Variants in MAPRE2 observed in about 807,000 individuals in gnomAD.
The protein encoded by MAPRE2 is microtubule-associated protein RP/EB family member 2.
In MAPRE2, 13 loss-of-function variants were observed where a neutral mutation model predicts 43.2. The ratio of observed to expected loss-of-function variants is 0.30; its 90% CI spans 0.20 to 0.48. The LOEUF (loss-of-function observed/expected upper bound fraction) is 0.48. MAPRE2 is among the 20% of genes least tolerant of loss of function. The pLI, the probability that MAPRE2 is intolerant of heterozygous loss-of-function variation, is 0.99. For synonymous variants in MAPRE2, 135 were observed against 148.8 expected (o/e 0.91, Z 0.68); for missense variants, 161 against 400.2 (o/e 0.40, Z 5.10).
In MAPRE2 at chr18:35,140,476, T is replaced by C. The variant is rs1434053614; in HGVS notation, c.*107T>C. The C allele has an allele frequency of 9.2e-7, 1 of 1,084,262 alleles. No individual in the cohort carries two copies. The highest frequency in any genetic ancestry group is 1.6e-5 in the African/African-American group (1 of 63,872). The allele number at this position is 1,084,262 out of a possible 1,614,324, so 67.2% of individuals were successfully genotyped here. ...CAACAGAAACCAGTTGTTCCCAATCTGCCGTTACCATCAACGCACTGTTGC... is the reference window on the plus strand; with the variant it reads ...CAACAGAAACCAGTTGTTCCCAATCCGCCGTTACCATCAACGCACTGTTGC... On this transcript the variant is annotated 3_prime_UTR_variant, in exon 7 of 7. Coordinates refer to ENST00000300249, the MANE Select transcript of MAPRE2 (RefSeq NM_014268.4).
upstream of MAPRE2, among the ~76,000 whole-genome samples, chr18:35,037,576 G>A (rs1300102020): frequency 6.6e-6 from 1 of 152,156 alleles, no homozygotes; most frequent in Non-Finnish European, 1.5e-5. Context: ...TTTTAGATAT[G>A]CCAGCACATG....
chr18:35,059,216 G>A (rs768742728), intron 1 of MAPRE2, among the ~76,000 whole-genome samples: 20 of 152,126 alleles, frequency 1.3e-4, no homozygotes, highest in Non-Finnish European at 2.4e-4. Flanking sequence ...GATAGTTCTG[G>A]AACTAGAAGC....
intron 4 of MAPRE2, among the ~76,000 whole-genome samples, chr18:35,114,177 T>C (rs1216053373): frequency 2.6e-5 from 4 of 152,200 alleles, no homozygotes; most frequent in Non-Finnish European, 4.4e-5. Flanking sequence ...GTCTCTCATA[T>C]GTCATGGATG....
chr18:34,985,814 C>G (rs1229416579), intron 1 of MAPRE2, among the ~76,000 whole-genome samples: 3 of 139,398 alleles, frequency 2.2e-5, no homozygotes, highest in African/African-American at 7.8e-5. Context: ...AATAAGCTGT[C>G]TCTTTTAACC....
chr18:34,978,108 G>A (rs927808740), intron 1 of MAPRE2: 8 of 259,564 alleles, frequency 3.1e-5, no homozygotes, highest in Non-Finnish European at 7.4e-6. Context: ...GTAGCGCTGG[G>A]AGTAATTAAT....
intron 2 of MAPRE2, 136 bp downstream of exon 2, chr18:35,070,458 A>G: frequency 1.5e-6 from 1 of 683,348 alleles, no homozygotes; most frequent in Non-Finnish European, 2.2e-6. Context: ...AAAGGGGGAA[A>G]AACTCAGATA....
chr18:35,082,098 G>A lies in MAPRE2; in HGVS notation c.250+11776G>A, dbSNP rs1235560249. The A allele has an allele frequency of 8.9e-5, 7 of 78,354 alleles. 3 individuals are homozygous for A. Among genetic ancestry groups the A allele is most frequent in the Admixed American group, 3.6e-4 (3 of 8,380 alleles). The allele number at this position is 78,354 out of a possible 1,614,324, so 4.9% of individuals were successfully genotyped here. A position where few individuals can be genotyped will look rare whatever the true frequency, so the allele number is the denominator to read the frequency against. ...GAGGTCAGGAGATCGAGACCATCCCGGCTAAAACGGTGAAACCCCGTCTCT... is the reference window on the plus strand; with the variant it reads ...GAGGTCAGGAGATCGAGACCATCCCAGCTAAAACGGTGAAACCCCGTCTCT... On this transcript the variant is annotated intron_variant, in intron 2 of 6. Coordinates refer to ENST00000300249, the MANE Select transcript of MAPRE2 (RefSeq NM_014268.4).
chr18:35,030,316 C>A (rs1603391665), intron 2 of MAPRE2, among the ~76,000 whole-genome samples: 1 of 152,322 alleles, frequency 6.6e-6, no homozygotes, highest in Admixed American at 6.5e-5. Context: ...TTTATGGCAG[C>A]AGTCTCTTGC....
At chr18:35,063,297 T>C (rs376594276) in intron 1 of MAPRE2, among the ~76,000 whole-genome samples, 2,524 of 151,852 alleles carry the variant, frequency 0.017, 25 homozygotes, top group South Asian at 0.04. Context: ...TTAGTAGAGA[T>C]GGGGTTTCAC....
chr18:34,984,800 A>ATTATG (rs1278696524), intron 1 of MAPRE2, among the ~76,000 whole-genome samples: 1 of 38,812 alleles, frequency 2.6e-5, no homozygotes, highest in South Asian at 7.8e-4. Context: ...TATATATTAT[A>ATTATG]TAATTATATA....
At chr18:35,041,789 G>GT (rs1905382668) in intron 1 of MAPRE2, 128 bp downstream of exon 1, 2 of 1,517,190 alleles carry the variant, frequency 1.3e-6, no homozygotes, top group Non-Finnish European at 1.8e-6. Context: ...GAAGGCGGTT[G>GT]TGATTATTTG....
chr18:35,041,351 C>G, upstream of MAPRE2: 10 of 1,439,802 alleles, frequency 6.9e-6, no homozygotes, highest in Non-Finnish European at 9.1e-6. Flanking sequence ...CTGCTGCCGG[C>G]GCTCTGACGT....
chr18:35,003,650 A>G (rs927972978), intron 1 of MAPRE2, among the ~76,000 whole-genome samples: 1 of 152,224 alleles, frequency 6.6e-6, no homozygotes, highest in East Asian at 1.9e-4. Context: ...TGCTTTATAG[A>G]TAAACTAGAA....
chr18:35,075,906 G>GT (rs1907329525), intron 2 of MAPRE2, among the ~76,000 whole-genome samples: 1 of 149,212 alleles, frequency 6.7e-6, no homozygotes, highest in Middle Eastern at 3.4e-3. Flanking sequence ...AATACAGTAG[G>GT]TTTTTTTTCC....
chr18:35,031,446 A>T (rs2097047817), intron 2 of MAPRE2, among the ~76,000 whole-genome samples: 2 of 152,218 alleles, frequency 1.3e-5, no homozygotes, highest in South Asian at 4.2e-4. Context: ...AAGCTCTTAA[A>T]TTTAGCCAGA....
At chr18:35,014,433 G>A (rs1189114941) in intron 2 of MAPRE2, among the ~76,000 whole-genome samples, 1 of 149,792 alleles carries the variant, frequency 6.7e-6, no homozygotes, top group Non-Finnish European at 1.5e-5. Context: ...GTCTATATAA[G>A]GCATATATAC....
At chr18:35,040,788 A>G (rs1391466963), upstream of MAPRE2, among the ~76,000 whole-genome samples, 1 of 152,250 alleles carries the variant, frequency 6.6e-6, no homozygotes, top group African/African-American at 2.4e-5. Flanking sequence ...TCCTTTGTAC[A>G]GATGATCTCT....
At chr18:35,069,900 A>T (rs1907020830) in intron 1 of MAPRE2, among the ~76,000 whole-genome samples, 1 of 152,192 alleles carries the variant, frequency 6.6e-6, no homozygotes, top group South Asian at 2.1e-4. Flanking sequence ...TTAATATCAC[A>T]CGTAGACTTA....
chr18:35,130,788 C>G (rs151170281), intron 5 of MAPRE2, among the ~76,000 whole-genome samples: 4 of 152,232 alleles, frequency 2.6e-5, no homozygotes, highest in African/African-American at 9.6e-5. Context: ...CTGAGTGTAG[C>G]TGCTGCGCCT....
Sources: allele counts gnomAD v4.1 joint callset (sites outside exome capture counted in the v4.1 genomes callset), GRCh38; gene constraint gnomAD v4.1.1; transcripts MANE v1.5; gene names NCBI Gene and HGNC (gene_info 2026-07-23, HGNC 2026-07-21).